MAZ: variants seen among roughly 807,000 people sequenced by gnomAD.
The protein encoded by MAZ is MYC associated zinc finger protein, also known as myc-associated zinc finger protein.
Under a neutral mutation model 32.7 loss-of-function variants are expected in MAZ, and 4 were observed. The ratio of observed to expected loss-of-function variants is 0.12; its 90% CI spans 0.06 to 0.28. The LOEUF is 0.28. Ranked by LOEUF, MAZ falls within the 10% of genes least tolerant of loss-of-function variation. The pLI is 1.00. For synonymous variants in MAZ, 510 were observed against 297.6 expected (o/e 1.71, Z -7.35); for missense variants, 763 against 667.2 (o/e 1.14, Z -1.58).
rs1047033609 is a variant in MAZ, at chr16:29,807,100, T to G, written c.315T>G (p.Ala105=). The G allele has an allele frequency of 1.9e-5, 19 of 988,226 alleles. No individual in the cohort carries two copies. Among genetic ancestry groups the G allele is most frequent in the Non-Finnish European group, 2.3e-5 (19 of 821,730 alleles). The allele number at this position is 988,226 out of a possible 1,614,324, so 61.2% of individuals were successfully genotyped here. The part of the protein sequence containing the change: ...SAAAAAAAAA[A]AAAVAAAPPA... ...CGGCTGCTGCGGCCGCTGCCGCCGC[T>G]GCTGCCGCCGTCGCTGCCGCGCCCC... The change falls in exon 2 of 5, where the codon GCT becomes GCG. Residue 105 remains alanine (A), a synonymous_variant. Transcript: ENST00000322945.
In MAZ at chr16:29,808,761, G is replaced by A. The variant is rs778190602; in HGVS notation, c.1279+20G>A. 9.9e-6 allele frequency: 16 copies of A among 1,610,258 alleles called. No individual in the cohort carries two copies. In the Admixed American group the frequency reaches 1.8e-4, roughly 19 times the overall value. On this transcript the variant is annotated intron_variant, in intron 4 of 4. Coordinates refer to ENST00000322945, the MANE Select transcript of MAZ (RefSeq NM_002383.4). Reference sequence around the variant, plus strand: ...ACAAAGGTACATGCCGAGGGCTGCCGGGAGGGCCAGGGGCAGAGGGTGGGC... The same window carrying A: ...ACAAAGGTACATGCCGAGGGCTGCCAGGAGGGCCAGGGGCAGAGGGTGGGC...
At chr16:29,809,711 G>T in intron 4 of MAZ, 1 of 1,486,044 alleles carries the variant, frequency 6.7e-7, no homozygotes, top group Non-Finnish European at 8.9e-7. Context: ...CCTGTCCCGG[G>T]AGACGCCCCC....
rs772768243 is a variant in MAZ, at chr16:29,806,691, C to A, written c.-11C>A. 1 of 1,181,574 alleles carries A rather than the reference C, an allele frequency of 8.5e-7. No homozygotes were observed. The highest frequency in any genetic ancestry group is 2.5e-5 in the South Asian group (1 of 39,760). 73.2% of individuals were successfully genotyped at this position (1,181,574 alleles called of 1,614,324 possible). On this transcript the variant is annotated 5_prime_UTR_variant, in exon 1 of 5. Coordinates refer to ENST00000322945, the MANE Select transcript of MAZ (RefSeq NM_002383.4). ...CCGCTGAGCCCCGGGGGCCCCGCTG[C>A]GGCCGAGGCCATGTTCCCGGTGTTT...
At position 29,807,555 on chromosome 16, in the gene MAZ, CTGCCGCAGTGGCCGCCGGTGGCGT is replaced by C. The variant is rs774504693; in HGVS notation, c.771_794del (p.Ala258_Val265del). On this transcript the variant is annotated inframe_deletion, in exon 2 of 5. Coordinates refer to ENST00000322945, the MANE Select transcript of MAZ (RefSeq NM_002383.4). ...GGAGAGGCGGGTGCCGGCGGCGGCG[CTGCCGCAGTGGCCGCCGGTGGCGT>C]GGTGACCACGACCGCCTCGGGGAAG... 2.2e-5 allele frequency: 35 copies of C among 1,602,410 alleles called. No individual in the cohort carries two copies. Among genetic ancestry groups the C allele is most frequent in the African/African-American group, 4.0e-5 (3 of 74,394 alleles).
chr16:29,809,616 C>T (rs751609540), intron 4 of MAZ: 3 of 1,611,724 alleles, frequency 1.9e-6, no homozygotes, highest in Non-Finnish European at 2.5e-6. Context: ...CTGACCGCAT[C>T]CTGTGCAAGC....
At position 29,808,355 on chromosome 16, in the gene MAZ, GAGTC is replaced by G. The variant is rs1233008057; in HGVS notation, c.1107+67_1107+70del. The G allele has an allele frequency of 6.6e-6, 10 of 1,522,606 alleles. No homozygotes were observed. In the East Asian group the frequency reaches 9.0e-5, roughly 14 times the overall value. 94.3% of individuals were successfully genotyped at this position (1,522,606 alleles called of 1,614,324 possible). A position where few individuals can be genotyped will look rare whatever the true frequency, so the allele number is the denominator to read the frequency against. ...ATTTTGATCCTCATGGTAGCTGTCT[GAGTC>G]AGTCTCTCAGACCCCCTTTTTCTCT... On this transcript the variant is annotated intron_variant, in intron 3 of 4. Coordinates refer to ENST00000322945, the MANE Select transcript of MAZ (RefSeq NM_002383.4).
intron 4 of MAZ, chr16:29,809,697 C>T: frequency 7.3e-6 from 11 of 1,507,488 alleles, no homozygotes; most frequent in East Asian, 2.4e-5. Flanking sequence ...GGGGGGCCGC[C>T]CCCCCTGTCC....
chr16:29,809,890 C>G, intron 4 of MAZ, 187 bp from the exon 5 acceptor site: 1 of 1,120,612 alleles, frequency 8.9e-7, no homozygotes, highest in Non-Finnish European at 1.3e-6. Context: ...AGGGAGACTT[C>G]TGGGCACAGG....
Position 29,807,012 on chromosome 16 carries a change from C to T in MAZ, c.227C>T (p.Pro76Leu), listed in dbSNP as rs1319161277. 1 of 1,007,292 alleles carries T rather than the reference C, an allele frequency of 9.9e-7. No homozygotes were observed. The highest frequency in any genetic ancestry group is 1.2e-6 in the Non-Finnish European group (1 of 847,378). The allele number at this position is 1,007,292 out of a possible 1,614,324, so 62.4% of individuals were successfully genotyped here. The change falls in exon 2 of 5, where the codon CCG becomes CTG. Residue 76 changes from proline (P) to leucine (L), a missense_variant. By Grantham distance (98) the Pro-to-Leu change is moderately conservative (BLOSUM62 -3). Transcript: ENST00000322945. ...GCGCCCCCGCCCACGCCCCAGGCCC[C>T]GGCGGCCGAGCCCCTCCAGGTGGAC... ...APAPPPTPQA[P>L]AAEPLQVDLL...
rs374319572 is a variant in MAZ, at chr16:29,808,709, G to A, written c.1247G>A (p.Gly416Asp). The change falls in exon 4 of 5, where the codon GGT becomes GAT. Residue 416 changes from glycine to aspartate, a missense_variant. By Grantham distance (94) the Gly-to-Asp change is moderately conservative. Coordinates refer to ENST00000322945, the MANE Select transcript of MAZ (RefSeq NM_002383.4). ...ISDHMKVHSQ[G>D]PHHVCELCNK... ...GACCACATGAAGGTGCACAGCCAGG[G>A]TCCTCACCATGTCTGTGAGCTCTGC... is the stretch of plus-strand genomic sequence containing the variant. The A allele has an allele frequency of 5.6e-6, 9 of 1,613,970 alleles. No individual in the cohort carries two copies. In the African/African-American group the frequency reaches 8.0e-5, roughly 14 times the overall value.
chr16:29,809,796 TG>T (rs1219412229), intron 4 of MAZ: 5 of 1,126,498 alleles, frequency 4.4e-6, no homozygotes, highest in Non-Finnish European at 6.1e-6. Context: ...GGGGGCGGGA[TG>T]GGGGGTGTGG....
chr16:29,807,619 C>T lies in MAZ; in HGVS notation c.834C>T (p.Asn278=). ...TTASGKRIRK[N]HACEMCGKAF... ...CCTCGGGGAAGCGCATCCGGAAGAA[C>T]CATGCCTGCGAGATGTGTGGCAAGG... The change falls in exon 2 of 5, where the codon AAC becomes AAT. Residue 278 remains asparagine (N), a synonymous_variant. Coordinates refer to ENST00000322945, the MANE Select transcript of MAZ (RefSeq NM_002383.4). 6.2e-6 allele frequency: 10 copies of T among 1,612,586 alleles called. No homozygotes were observed. Among genetic ancestry groups the T allele is most frequent in the South Asian group, 3.3e-5 (3 of 91,078 alleles).
In MAZ at chr16:29,807,260, G is replaced by A. The variant is rs1229201224; in HGVS notation, c.475G>A (p.Ala159Thr). The A allele has an allele frequency of 6.9e-7, 1 of 1,446,286 alleles. No individual in the cohort carries two copies. The allele number at this position is 1,446,286 out of a possible 1,614,324, so 89.6% of individuals were successfully genotyped here. A position where few individuals can be genotyped will look rare whatever the true frequency, so the allele number is the denominator to read the frequency against. ...CGCCTCCGCCGCCACTATCGCCGCG[G>A]CGGCGGCCACCGCCGTCGTAGCCCC... ...PPASAATIAAAAATAVVAPTS... is the reference protein window; with the variant it reads ...PPASAATIAATAATAVVAPTS... Residue 159 changes from alanine to threonine, a missense_variant, in exon 2 of 5, where the codon GCG becomes ACG. Transcript: ENST00000322945.
chr16:29,809,482 C>A, intron 4 of MAZ: 1 of 1,126,504 alleles, frequency 8.9e-7, no homozygotes, highest in East Asian at 2.4e-5. Flanking sequence ...AGATCAGCCC[C>A]GTCTCTGGGG....
rs751490326 is a variant in MAZ at position 29,810,186 on chromosome 16, G to A, written c.1389G>A (p.Glu463=). Residue 463 remains glutamate (E), a synonymous_variant, in exon 5 of 5, where the codon GAG becomes GAA. Transcript: ENST00000322945. ...PTAVGSLSGA[E]GVPVSSQPLP... ...CTGTGGGCTCCCTCTCGGGGGCGGAGGGGGTGCCTGTGAGCTCTCAGCCAC... is the reference window on the plus strand; with the variant it reads ...CTGTGGGCTCCCTCTCGGGGGCGGAAGGGGTGCCTGTGAGCTCTCAGCCAC... The A allele has an allele frequency of 2.5e-6, 4 of 1,606,916 alleles. No homozygotes were observed. Among genetic ancestry groups the A allele is most frequent in the Non-Finnish European group, 3.4e-6 (4 of 1,176,962 alleles).
chr16:29,809,826 G>C lies in MAZ; in HGVS notation c.1280-251G>C, dbSNP rs1899810677. 13 of 982,434 alleles carry C rather than the reference G, an allele frequency of 1.3e-5. No individual in the cohort carries two copies. In the South Asian group the frequency reaches 2.3e-4, roughly 17 times the overall value. The allele number at this position is 982,434 out of a possible 1,614,324, so 60.9% of individuals were successfully genotyped here. A position where few individuals can be genotyped will look rare whatever the true frequency, so the allele number is the denominator to read the frequency against. On this transcript the variant is annotated intron_variant, in intron 4 of 4. Transcript: ENST00000322945. ...GGTGTGGGGGACAACGGGGCTCAAA[G>C]GGCCCAATAGGGGATCTCAGGAAGG...
In MAZ at chr16:29,807,196, C is replaced by T. The variant is rs973899554; in HGVS notation, c.411C>T (p.Pro137=). The change falls in exon 2 of 5, where the codon CCC becomes CCT. Residue 137 remains proline, a synonymous_variant. Coordinates refer to ENST00000322945, the MANE Select transcript of MAZ (RefSeq NM_002383.4). ...LKQPPAPPPP[P]PPVSAPAAEA... ...AGCCTCCGGCGCCCCCTCCGCCACC[C>T]CCGCCAGTGTCGGCGCCCGCGGCCG... 2.5e-6 allele frequency: 3 copies of T among 1,191,232 alleles called. No homozygotes were observed. Among genetic ancestry groups the T allele is most frequent in the Admixed American group, 4.4e-5 (1 of 22,534 alleles). 73.8% of individuals were successfully genotyped at this position (1,191,232 alleles called of 1,614,324 possible). A position where few individuals can be genotyped will look rare whatever the true frequency, so the allele number is the denominator to read the frequency against.
chr16:29,808,065 G>GAGCC (rs1899641951), intron 2 of MAZ, 165 bp from the exon 3 acceptor site: 2 of 985,396 alleles, frequency 2.0e-6, no homozygotes, highest in South Asian at 3.0e-5. Context: ...GGCGGCGGCG[G>GAGCC]CAGCGGCTGC....
chr16:29,809,494 C>G (rs1236604187), intron 4 of MAZ: 10 of 1,259,086 alleles, frequency 7.9e-6, no homozygotes, highest in Non-Finnish European at 9.3e-6. Flanking sequence ...TCTCTGGGGT[C>G]TCCGCCTGGC....
Sources: allele counts gnomAD v4.1 joint callset, GRCh38; gene constraint gnomAD v4.1.1; transcripts MANE v1.5; gene names NCBI Gene and HGNC (gene_info 2026-07-23, HGNC 2026-07-21).